The following PTPN7 variants were observed in gnomAD, a reference collection of about 807,000 sequenced individuals.
The protein encoded by PTPN7 is tyrosine-protein phosphatase non-receptor type 7.
Under a neutral mutation model 50.3 loss-of-function variants are expected in PTPN7, and 33 were observed. The observed-to-expected ratio is 0.66, with a 90% CI of 0.50 to 0.88. The LOEUF is 0.88. Ranked by LOEUF, PTPN7 falls within the 40% of genes least tolerant of loss-of-function variation. PTPN7 has a pLI of 0.00. For missense variants in PTPN7, 412 were observed against 475.4 expected (o/e 0.87, Z 1.24); for synonymous variants, 185 against 186.6 (o/e 0.99, Z 0.07).
intron 4 of PTPN7, among the ~76,000 whole-genome samples, chr1:202,156,706 T>C (rs929750643): frequency 1.3e-5 from 2 of 152,170 alleles, no homozygotes; most frequent in African/African-American, 2.4e-5. Context: ...ATAGCGCTAA[T>C]AGCACCTTGA....
chr1:202,157,506 G>A (rs1378399410), intron 4 of PTPN7, among the ~76,000 whole-genome samples: 3 of 146,108 alleles, frequency 2.1e-5, no homozygotes, highest in Non-Finnish European at 4.4e-5. Flanking sequence ...TGAAAACTCC[G>A]TCTTAAAAAA....
intron 8 of PTPN7, 67 bp downstream of exon 8, chr1:202,152,475 G>T: frequency 6.4e-7 from 1 of 1,552,360 alleles, no homozygotes; most frequent in Non-Finnish European, 8.7e-7. Flanking sequence ...CCCTTCCCCA[G>T]GAGAGACCCA....
rs774298658 is a variant in PTPN7, at chr1:202,159,535, C to T, written c.-52-81G>A. On this transcript the variant is annotated intron_variant, in intron 1 of 9. Transcript: ENST00000691036. This position sits in a 1 kb window ranked among gnomAD's most constrained non-coding sequence, Gnocchi z 4.6. ...AGGCTCCCATGCCAGGCCAGGTTTG[C>T]ACTCTGTTTTCACTGGGGCGTCTTC... 3.6e-5 allele frequency: 56 copies of T among 1,539,422 alleles called. No homozygotes were observed. Among genetic ancestry groups the T allele is most frequent in the Admixed American group, 1.8e-4 (9 of 49,046 alleles).
In PTPN7 at chr1:202,152,686, C is replaced by T. The variant is rs377326261; in HGVS notation, c.731G>A (p.Arg244His). Residue 244 changes from arginine (R) to histidine (H), a missense_variant, in exon 8 of 10, where the codon CGC (arginine) becomes CAC (histidine). By Grantham distance (29) the Arg-to-His change is conservative. Coordinates refer to ENST00000691036, the MANE Select transcript of PTPN7 (RefSeq NM_002832.4). ...AAAGAGGATGTGCTTTACTGACCGG[C>T]GCTCTTCCTGGTACTGGATTGGAGA... is the stretch of plus-strand genomic sequence containing the variant. ...RQLTIQYQEERRSVKHILFSA... is the reference protein window; with the variant it reads ...RQLTIQYQEEHRSVKHILFSA... 50 of 1,613,960 alleles carry T rather than the reference C, an allele frequency of 3.1e-5. No individual in the cohort carries two copies. Among genetic ancestry groups the T allele is most frequent in the Non-Finnish European group, 3.9e-5 (46 of 1,180,020 alleles).
At chr1:202,149,829 G>GTTTTTTTTTTTTTTTTT in intron 9 of PTPN7, 1 of 92,914 alleles carries the variant, frequency 1.1e-5, no homozygotes, top group Non-Finnish European at 2.1e-5. Context: ...TCTTTTTTTT[G>GTTTTTTTTTTTTTTTTT]TTTTTTTTTT....
At chr1:202,148,749 G>T in intron 9 of PTPN7, 50 bp from the exon 10 acceptor site, 1 of 1,515,628 alleles carries the variant, frequency 6.6e-7, no homozygotes, top group Non-Finnish European at 9.1e-7. Flanking sequence ...CAGGGTGCTG[G>T]CTGAATGGCT....
At chr1:202,152,841 G>C in intron 7 of PTPN7, 142 bp from the exon 8 acceptor site, 1 of 906,236 alleles carries the variant, frequency 1.1e-6, no homozygotes, top group South Asian at 1.7e-5. Flanking sequence ...TGCAATTTTC[G>C]TGCTCATTGT....
intron 9 of PTPN7, 73 bp downstream of exon 9, chr1:202,150,238 C>CAGA (rs753881423): frequency 5.1e-6 from 6 of 1,174,720 alleles, no homozygotes; most frequent in Non-Finnish European, 7.5e-6. Flanking sequence ...ATGGGCCTAG[C>CAGA]AGAACTCTGG....
In PTPN7 at chr1:202,160,272, A is replaced by G. The variant is rs1357059691; in HGVS notation, c.-53+273T>C. On this transcript the variant is annotated intron_variant, in intron 1 of 9. Coordinates refer to ENST00000691036, the MANE Select transcript of PTPN7 (RefSeq NM_002832.4). The surrounding 1 kb of genome is among the most constrained non-coding windows in gnomAD (Gnocchi z 4.8). The stretch of plus-strand genomic sequence containing the variant: ...AGGCAGCAGGGACGGAGGTGAGGGG[A>G]CAGAATGGGCCTGGCACAGGTGTGA... Among the ~76,000 whole-genome samples, 2 of 151,904 alleles carry G rather than the reference A, an allele frequency of 1.3e-5. No individual in the cohort carries two copies. Among genetic ancestry groups the G allele is most frequent in the African/African-American group, 4.8e-5 (2 of 41,350 alleles).
chr1:202,151,142 C>A (rs1655963098), intron 8 of PTPN7, among the ~76,000 whole-genome samples: 1 of 152,196 alleles, frequency 6.6e-6, no homozygotes, highest in South Asian at 2.1e-4. Context: ...CACTCTATAG[C>A]CAAAGTGTTC....
rs1657257223 is a variant in PTPN7, at chr1:202,160,501, C to T, written c.-53+44G>A. On this transcript the variant is annotated intron_variant, in intron 1 of 9. Coordinates refer to ENST00000691036, the MANE Select transcript of PTPN7 (RefSeq NM_002832.4). The surrounding 1 kb of genome is among the most constrained non-coding windows in gnomAD (Gnocchi z 4.8). ...CCTCTTATATCCCCGGAGTTCGCAC[C>T]CCCCGGGGCCACAGGACTCCCAGTC... The T allele has an allele frequency of 6.6e-7, 1 of 1,512,178 alleles. No individual in the cohort carries two copies. The highest frequency in any genetic ancestry group is 1.4e-5 in the African/African-American group (1 of 72,254). The allele number at this position is 1,512,178 out of a possible 1,614,324, so 93.7% of individuals were successfully genotyped here.
chr1:202,161,496 C>A, upstream of PTPN7: 2 of 1,289,828 alleles, frequency 1.6e-6, no homozygotes, highest in Non-Finnish European at 2.0e-6. Flanking sequence ...TCCAAGACTC[C>A]TCTGCCCACT....
chr1:202,160,423 A>C lies in PTPN7; in HGVS notation c.-53+122T>G. 1 of 1,035,726 alleles carries C rather than the reference A, an allele frequency of 9.7e-7. No homozygotes were observed. The highest frequency in any genetic ancestry group is 2.6e-5 in the East Asian group (1 of 38,102). 64.2% of individuals were successfully genotyped at this position (1,035,726 alleles called of 1,614,324 possible). On this transcript the variant is annotated intron_variant, in intron 1 of 9. Coordinates refer to ENST00000691036, the MANE Select transcript of PTPN7 (RefSeq NM_002832.4). The surrounding 1 kb of genome is among the most constrained non-coding windows in gnomAD (Gnocchi z 4.8). Reference sequence around the variant, plus strand: ...TCAGGTCTGTGAGCACCCATACCCCAGCCAGGCACTGTGGCGCCCCACTCG... The same window carrying C: ...TCAGGTCTGTGAGCACCCATACCCCCGCCAGGCACTGTGGCGCCCCACTCG...
In PTPN7 at chr1:202,159,926, G is replaced by A. The variant is rs1038729208; in HGVS notation, c.-52-472C>T. On this transcript the variant is annotated intron_variant, in intron 1 of 9. Transcript: ENST00000691036. This position sits in a 1 kb window ranked among gnomAD's most constrained non-coding sequence, Gnocchi z 4.6. Reference sequence around the variant, plus strand: ...GAGCTGGTTGGGCAGCCAGGCAGGCGGGCTCCTGGACCCCAGCAGGGTCCT... The same window carrying A: ...GAGCTGGTTGGGCAGCCAGGCAGGCAGGCTCCTGGACCCCAGCAGGGTCCT... The A allele has an allele frequency of 1.8e-5, 18 of 1,008,210 alleles. No individual in the cohort carries two copies. Among genetic ancestry groups the A allele is most frequent in the South Asian group, 1.3e-4 (3 of 22,670 alleles). 62.5% of individuals were successfully genotyped at this position (1,008,210 alleles called of 1,614,324 possible).
chr1:202,159,245 G>A lies in PTPN7; in HGVS notation c.122+36C>T, dbSNP rs754853089. The A allele has an allele frequency of 4.4e-6, 7 of 1,599,224 alleles. No individual in the cohort carries two copies. The South Asian group carries it at 7.8e-5, about 18-fold the overall frequency. ...AAGGGAGGAGCGGAATGGGGGCTCA[G>A]GGCTCGGAAGACCCCTCCCCCAGGG... On this transcript the variant is annotated intron_variant, in intron 2 of 9. Coordinates refer to ENST00000691036, the MANE Select transcript of PTPN7 (RefSeq NM_002832.4). This position sits in a 1 kb window ranked among gnomAD's most constrained non-coding sequence, Gnocchi z 4.6.
chr1:202,156,882 C>T (rs1656721884), intron 4 of PTPN7, among the ~76,000 whole-genome samples: 1 of 152,282 alleles, frequency 6.6e-6, no homozygotes, highest in South Asian at 2.1e-4. Context: ...ATAGAAGGTG[C>T]TTGCTCCGGG....
Position 202,159,837 on chromosome 1 carries a change from G to C in PTPN7, c.-52-383C>G, listed in dbSNP as rs1453995600. On this transcript the variant is annotated intron_variant, in intron 1 of 9. Coordinates refer to ENST00000691036, the MANE Select transcript of PTPN7 (RefSeq NM_002832.4). This position sits in a 1 kb window ranked among gnomAD's most constrained non-coding sequence, Gnocchi z 4.6. ...GACGGAAGGGAGAAAGCACGCAGAA[G>C]CCATCTCTGAGCTAACCAGTGGGCC... 9.1e-7 allele frequency: 1 copy of C among 1,096,492 alleles called. No individual in the cohort carries two copies. The allele number at this position is 1,096,492 out of a possible 1,614,324, so 67.9% of individuals were successfully genotyped here. A position where few individuals can be genotyped will look rare whatever the true frequency, so the allele number is the denominator to read the frequency against.
intron 8 of PTPN7, 28 bp from the exon 9 acceptor site, chr1:202,150,452 A>C: frequency 6.4e-7 from 1 of 1,550,654 alleles, no homozygotes; most frequent in Non-Finnish European, 8.8e-7. Context: ...GGGGACAGGG[A>C]GGTCATGGGA....
chr1:202,160,556 T>TAA lies in PTPN7; in HGVS notation c.-65_-64insTT. The TAA allele has an allele frequency of 6.5e-7, 1 of 1,548,770 alleles. No homozygotes were observed. The highest frequency in any genetic ancestry group is 8.7e-7 in the Non-Finnish European group (1 of 1,145,650). On this transcript the variant is annotated 5_prime_UTR_variant, in exon 1 of 10. Transcript: ENST00000691036. This position sits in a 1 kb window ranked among gnomAD's most constrained non-coding sequence, Gnocchi z 4.8. ...CTTCAGATACTTACTGAAGCAGCTG[T>TAA]GGCCCCCAGGCTGCCTCTTGCCAGC...
Sources: allele counts gnomAD v4.1 joint callset (sites outside exome capture counted in the v4.1 genomes callset), GRCh38; gene constraint gnomAD v4.1.1; non-coding constraint Gnocchi (gnomAD v3.1); transcripts MANE v1.5; gene names NCBI Gene and HGNC (gene_info 2026-07-23, HGNC 2026-07-21).